FAM135B: variants seen among roughly 807,000 people sequenced by gnomAD.
FAM135B encodes the protein protein FAM135B.
Under a neutral mutation model 127.7 loss-of-function variants are expected in FAM135B, and 43 were observed. That is an observed-to-expected ratio of 0.34 (90% CI 0.26 to 0.43). The LOEUF (loss-of-function observed/expected upper bound fraction) is 0.43, where lower values mean the gene tolerates loss of function less well. Ranked by LOEUF, FAM135B falls within the 20% of genes least tolerant of loss-of-function variation. FAM135B has a pLI of 1.00. For synonymous variants in FAM135B, 670 were observed against 665.1 expected, an observed-to-expected ratio of 1.01 and a Z score of -0.11; for missense variants, 1,558 against 1,725.6, an observed-to-expected ratio of 0.90 and a Z score of 1.72.
chr8:138,426,079 A>AT (rs1834867586), intron 1 of FAM135B, among the ~76,000 whole-genome samples: 1 of 90,226 alleles, frequency 1.1e-5, no homozygotes, highest in African/African-American at 6.6e-5. Context: ...ACACATATAT[A>AT]AAATGTTTTA....
At chr8:138,146,418 C>T (rs1279326416) in intron 14 of FAM135B, among the ~76,000 whole-genome samples, 3 of 152,114 alleles carry the variant, frequency 2.0e-5, no homozygotes, top group Non-Finnish European at 4.4e-5. Flanking sequence ...GGGCACAATG[C>T]GACTCATACG....
intron 7 of FAM135B, among the ~76,000 whole-genome samples, chr8:138,203,515 C>G (rs1407646384): frequency 6.6e-6 from 1 of 152,138 alleles, no homozygotes; most frequent in Non-Finnish European, 1.5e-5. Context: ...TCTAACGTGT[C>G]TTGCTGTTCT....
intron 7 of FAM135B, among the ~76,000 whole-genome samples, chr8:138,224,490 G>A (rs979405038): frequency 6.6e-6 from 1 of 152,148 alleles, no homozygotes; most frequent in Non-Finnish European, 1.5e-5. Context: ...AGGCTGGAAT[G>A]CAGAGGCCCG....
At chr8:138,182,316 G>T (rs920763675) in intron 9 of FAM135B, among the ~76,000 whole-genome samples, 1 of 152,184 alleles carries the variant, frequency 6.6e-6, no homozygotes. Context: ...CACAGATGGC[G>T]AGCTTGGAAG....
chr8:138,311,014 A>G, intron 2 of FAM135B, 94 bp from the exon 3 acceptor site: 3 of 947,676 alleles, frequency 3.2e-6, no homozygotes, highest in Non-Finnish European at 4.8e-6. Context: ...GCCATAGGAA[A>G]TCAGGGAAGT....
intron 1 of FAM135B, among the ~76,000 whole-genome samples, chr8:138,492,889 TCCC>T (rs1564041517): frequency 6.6e-6 from 1 of 152,152 alleles, no homozygotes; most frequent in African/African-American, 2.4e-5. Context: ...CCATGCCTGA[TCCC>T]CCAACTACAT....
At chr8:138,224,879 C>T (rs1299500107) in intron 7 of FAM135B, among the ~76,000 whole-genome samples, 4 of 151,948 alleles carry the variant, frequency 2.6e-5, no homozygotes, top group Non-Finnish European at 5.9e-5. Flanking sequence ...CTTGTAGAAA[C>T]AGAAATAGAA....
chr8:138,211,597 T>C (rs1818147572), intron 7 of FAM135B, among the ~76,000 whole-genome samples: 1 of 152,214 alleles, frequency 6.6e-6, no homozygotes, highest in South Asian at 2.1e-4. Flanking sequence ...GATATTGCAT[T>C]GCAACATTCT....
intron 4 of FAM135B, among the ~76,000 whole-genome samples, chr8:138,262,234 A>G (rs1339001677): frequency 6.6e-6 from 1 of 152,210 alleles, no homozygotes; most frequent in African/African-American, 2.4e-5. Context: ...GTCAGGGACA[A>G]GAACAATTCT....
chr8:138,371,189 T>C (rs914602259), intron 1 of FAM135B, among the ~76,000 whole-genome samples: 4 of 152,136 alleles, frequency 2.6e-5, no homozygotes, highest in African/African-American at 9.7e-5. Context: ...TGCTAAGAGG[T>C]GAAGAGCAAG....
intron 3 of FAM135B, among the ~76,000 whole-genome samples, chr8:138,279,123 A>G (rs531059431): frequency 6.6e-6 from 1 of 151,880 alleles, no homozygotes; most frequent in Non-Finnish European, 1.5e-5. Context: ...TCTTTTTTCC[A>G]CTTTCTTCTT....
At chr8:138,467,231 G>A (rs545804698) in intron 1 of FAM135B, among the ~76,000 whole-genome samples, 1 of 152,158 alleles carries the variant, frequency 6.6e-6, no homozygotes, top group African/African-American at 2.4e-5. Context: ...TCTAACCACA[G>A]GGTTCACCAG....
intron 7 of FAM135B, among the ~76,000 whole-genome samples, chr8:138,201,701 C>A (rs1436423894): frequency 2.6e-5 from 4 of 152,142 alleles, no homozygotes; most frequent in Non-Finnish European, 5.9e-5. Context: ...CACTCTTCAG[C>A]AATCTGAAAT....
chr8:138,240,084 A>T (rs1045628325), intron 7 of FAM135B, among the ~76,000 whole-genome samples: 1 of 152,172 alleles, frequency 6.6e-6, no homozygotes, highest in Non-Finnish European at 1.5e-5. Flanking sequence ...CCAACATGGC[A>T]CATGTATACA....
Position 138,176,003 on chromosome 8 carries a change from C to CCA in FAM135B, c.1103+1343_1103+1344insTG, listed in dbSNP as rs1276834346. On this transcript the variant is annotated intron_variant, in intron 11 of 19. Transcript: ENST00000395297. ...CCCATTATGTCCTCACAATTGCTGT[C>CCA]TTACCCACTGTGTGGATAAGGAAGC... Among the ~76,000 whole-genome samples, 3 of 152,186 alleles carry CCA rather than the reference C, an allele frequency of 2.0e-5. No individual in the cohort carries two copies. The East Asian group carries it at 5.8e-4, about 29-fold the overall frequency.
chr8:138,463,205 A>C (rs1837221653), intron 1 of FAM135B, among the ~76,000 whole-genome samples: 1 of 152,326 alleles, frequency 6.6e-6, no homozygotes. Flanking sequence ...GGAAAGAGAG[A>C]TAGAAAAGAG....
At chr8:138,337,291 T>G (rs1393971469) in intron 2 of FAM135B, among the ~76,000 whole-genome samples, 2 of 151,364 alleles carry the variant, frequency 1.3e-5, no homozygotes, top group African/African-American at 4.9e-5. Flanking sequence ...TAAAGGGTAT[T>G]CAATTAGGAA....
At chr8:138,442,237 C>CTATATATATATATAT (rs1835820540) in intron 1 of FAM135B, among the ~76,000 whole-genome samples, 3 of 51,898 alleles carry the variant, frequency 5.8e-5, no homozygotes, top group African/African-American at 2.0e-4. Context: ...ATATGGACAC[C>CTATATATATATATAT]ATATATATAT....
chr8:138,221,530 A>G (rs897545164), intron 7 of FAM135B, among the ~76,000 whole-genome samples: 20 of 152,190 alleles, frequency 1.3e-4, no homozygotes, highest in Admixed American at 1.0e-3. Context: ...CAGAATGCAA[A>G]TTGCAGGGAG....
Sources: allele counts gnomAD v4.1 joint callset (sites outside exome capture counted in the v4.1 genomes callset), GRCh38; gene constraint gnomAD v4.1.1; transcripts MANE v1.5; gene names NCBI Gene and HGNC (gene_info 2026-07-23, HGNC 2026-07-21).